ASRGL1: variants seen among roughly 807,000 people sequenced by gnomAD.
ASRGL1 encodes the protein asparaginase and isoaspartyl peptidase 1.
Under a neutral mutation model 22.4 loss-of-function variants are expected in ASRGL1, and 16 were observed. The observed-to-expected ratio is 0.71, with a 90% CI of 0.48 to 1.08. The LOEUF (loss-of-function observed/expected upper bound fraction) is 1.08, where lower values mean the gene tolerates loss of function less well. Among genes scored for constraint, ASRGL1 ranks in the 50% least tolerant of loss-of-function variants. The pLI is 0.00. For missense variants in ASRGL1, 412 were observed against 410.1 expected, an observed-to-expected ratio of 1.00 and a Z score of -0.04; for synonymous variants, 165 against 159.3, an observed-to-expected ratio of 1.04 and a Z score of -0.27.
chr11:62,374,521 A>C (rs1946862105), intron 4 of ASRGL1, among the ~76,000 whole-genome samples: 1 of 150,936 alleles, frequency 6.6e-6, no homozygotes. Context: ...GGAAAGTTAA[A>C]TATTGGTCTC....
intron 4 of ASRGL1, among the ~76,000 whole-genome samples, chr11:62,367,839 G>A (rs949212593): frequency 1.3e-5 from 2 of 151,982 alleles, no homozygotes; most frequent in African/African-American, 2.4e-5. Context: ...CTACTTGGGA[G>A]GCTGAGGCAG....
downstream of ASRGL1, among the ~76,000 whole-genome samples, chr11:62,393,753 C>G (rs757499064): frequency 1.3e-5 from 2 of 152,086 alleles, no homozygotes; most frequent in Admixed American, 6.6e-5. Context: ...TGCCACAACA[C>G]GATTCCACAG....
At chr11:62,391,030 C>T (rs1041058789) in intron 5 of ASRGL1, among the ~76,000 whole-genome samples, 3 of 152,234 alleles carry the variant, frequency 2.0e-5, no homozygotes, top group Non-Finnish European at 4.4e-5. Context: ...ATAGTTCCCT[C>T]AGGTCCAATT....
intron 2 of ASRGL1, among the ~76,000 whole-genome samples, chr11:62,341,460 A>G (rs1005452252): frequency 1.3e-5 from 2 of 152,032 alleles, no homozygotes; most frequent in South Asian, 2.1e-4. Context: ...CAGCCTCCCA[A>G]AGTGCTGGGA....
At chr11:62,339,229 G>A (rs1344216888) in intron 2 of ASRGL1, among the ~76,000 whole-genome samples, 2 of 152,196 alleles carry the variant, frequency 1.3e-5, no homozygotes, top group African/African-American at 2.4e-5. Flanking sequence ...TTCACTTTCA[G>A]GGCTTGCTAT....
intron 4 of ASRGL1, among the ~76,000 whole-genome samples, chr11:62,380,952 T>C (rs1466762150): frequency 1.3e-5 from 2 of 152,122 alleles, no homozygotes; most frequent in African/African-American, 2.4e-5. Flanking sequence ...GATAAAGTCT[T>C]ATAGTGGGCG....
At chr11:62,370,018 A>T (rs1376704746) in intron 4 of ASRGL1, among the ~76,000 whole-genome samples, 1 of 152,148 alleles carries the variant, frequency 6.6e-6, no homozygotes. Context: ...TACTGTCTGA[A>T]CAGAAGAGTA....
Position 62,337,902 on chromosome 11 carries a change from A to C in ASRGL1, c.-76A>C. 1 of 1,478,456 alleles carries C rather than the reference A, an allele frequency of 6.8e-7. No individual in the cohort carries two copies. Among genetic ancestry groups the C allele is most frequent in the Non-Finnish European group, 9.1e-7 (1 of 1,096,606 alleles). The allele number at this position is 1,478,456 out of a possible 1,614,324, so 91.6% of individuals were successfully genotyped here. A position where few individuals can be genotyped will look rare whatever the true frequency, so the allele number is the denominator to read the frequency against. Reference sequence around the variant, plus strand: ...ATTGTCCCCACAGGGTCTCCCGAGGACCTTGTACCCGCGCGGCTTCCTTGG... The same window carrying C: ...ATTGTCCCCACAGGGTCTCCCGAGGCCCTTGTACCCGCGCGGCTTCCTTGG... On this transcript the variant is annotated 5_prime_UTR_variant, in exon 2 of 7. Coordinates refer to ENST00000415229, the MANE Select transcript of ASRGL1 (RefSeq NM_001083926.2).
intron 4 of ASRGL1, among the ~76,000 whole-genome samples, chr11:62,361,927 AGT>A (rs1946444922): frequency 6.6e-6 from 1 of 152,160 alleles, no homozygotes; most frequent in Admixed American, 6.5e-5. Context: ...TCCTCCTTAA[AGT>A]GTGATTTTTG....
At chr11:62,383,602 CAAAAAAAAAAAAAAA>C (rs35096038) in intron 4 of ASRGL1, among the ~76,000 whole-genome samples, 3 of 21,930 alleles carry the variant, frequency 1.4e-4, no homozygotes, top group Non-Finnish European at 2.2e-4. Context: ...GACTCCTACT[CAAAAAAAAAAAAAAA>C]AAAAAAAAAA....
chr11:62,392,291 G>A lies in ASRGL1; in HGVS notation c.*7G>A. 2 of 1,612,978 alleles carry A rather than the reference G, an allele frequency of 1.2e-6. No individual in the cohort carries two copies. The highest frequency in any genetic ancestry group is 1.7e-6 in the Non-Finnish European group (2 of 1,179,884). On this transcript the variant is annotated 3_prime_UTR_variant, in exon 7 of 7. Transcript: ENST00000415229. The stretch of plus-strand genomic sequence containing the variant: ...TATCACCGACCTTCCCTAAGCCGCT[G>A]GAAGATTGTATTCCAGATGCTAGCT...
intron 4 of ASRGL1, chr11:62,372,920 G>A: frequency 6.4e-7 from 1 of 1,567,618 alleles, no homozygotes; most frequent in East Asian, 2.2e-5. Flanking sequence ...TGGCTTGTGG[G>A]AAGAGCAGCA....
intron 4 of ASRGL1, among the ~76,000 whole-genome samples, chr11:62,376,469 T>G (rs11231061): frequency 6.6e-6 from 1 of 152,148 alleles, no homozygotes; most frequent in African/African-American, 2.4e-5. Context: ...ACCTTCCCTA[T>G]TTCCCATGTC....
chr11:62,354,749 C>A (rs1209783605), intron 2 of ASRGL1, among the ~76,000 whole-genome samples: 1 of 152,058 alleles, frequency 6.6e-6, no homozygotes, highest in African/African-American at 2.4e-5. Flanking sequence ...AATTTGGGGC[C>A]ATGGTTGACT....
At chr11:62,388,236 A>G (rs976127909) in intron 4 of ASRGL1, among the ~76,000 whole-genome samples, 1 of 152,254 alleles carries the variant, frequency 6.6e-6, no homozygotes, top group Non-Finnish European at 1.5e-5. Context: ...TGATCAAAAC[A>G]TCATAGGTGG....
At chr11:62,346,138 T>G (rs1946014838) in intron 2 of ASRGL1, among the ~76,000 whole-genome samples, 1 of 152,074 alleles carries the variant, frequency 6.6e-6, no homozygotes, top group Non-Finnish European at 1.5e-5. Context: ...CAATCTTGAG[T>G]AGTAGCTTGT....
chr11:62,365,734 C>G (rs905453261), intron 4 of ASRGL1, among the ~76,000 whole-genome samples: 4 of 151,846 alleles, frequency 2.6e-5, no homozygotes, highest in Non-Finnish European at 5.9e-5. Context: ...CCTGTAATCT[C>G]AGCTATTTGA....
At chr11:62,371,353 G>C in intron 4 of ASRGL1, 1 of 915,936 alleles carries the variant, frequency 1.1e-6, no homozygotes, top group Non-Finnish European at 1.6e-6. Flanking sequence ...GGCGCAGCCT[G>C]TGGCAGCAGG....
chr11:62,373,020 TCCA>T, intron 4 of ASRGL1: 3 of 1,379,790 alleles, frequency 2.2e-6, no homozygotes, highest in Non-Finnish European at 3.1e-6. Context: ...GCCCAAGTCT[TCCA>T]CTGCAGCCCA....
Sources: allele counts gnomAD v4.1 joint callset (sites outside exome capture counted in the v4.1 genomes callset), GRCh38; gene constraint gnomAD v4.1.1; transcripts MANE v1.5; gene names NCBI Gene and HGNC (gene_info 2026-07-23, HGNC 2026-07-21).